Variants in FMN1 observed in about 807,000 individuals in gnomAD.
The protein encoded by FMN1 is formin 1.
In FMN1, 110 loss-of-function variants were observed where a neutral mutation model predicts 132.4. The observed-to-expected ratio is 0.83, with a 90% CI of 0.71 to 0.97. The LOEUF is 0.97. Among genes scored for constraint, FMN1 ranks in the 50% least tolerant of loss-of-function variants. FMN1 has a pLI of 0.00. For missense variants in FMN1, 1,792 were observed against 1,705.3 expected (o/e 1.05, Z -0.90); for synonymous variants, 722 against 651.7 (o/e 1.11, Z -1.64).
In FMN1 at chr15:33,089,030, T is replaced by C. The variant is rs541950320; in HGVS notation, c.1868-56A>G. 2.1e-6 allele frequency: 3 copies of C among 1,419,656 alleles called. No homozygotes were observed. The African/African-American group carries it at 4.3e-5, about 20-fold the overall frequency. 87.9% of individuals were successfully genotyped at this position (1,419,656 alleles called of 1,614,324 possible). On this transcript the variant is annotated intron_variant, in intron 4 of 20. Transcript: ENST00000616417. Reference sequence around the variant, plus strand: ...CATGGCAGCCAAATAAATAAATAAATAAAGCCATATTTGGGGAACTCCTAC... The same window carrying C: ...CATGGCAGCCAAATAAATAAATAAACAAAGCCATATTTGGGGAACTCCTAC...
chr15:33,062,277 C>T (rs1236297643), intron 6 of FMN1, among the ~76,000 whole-genome samples: 2 of 152,140 alleles, frequency 1.3e-5, no homozygotes, highest in Non-Finnish European at 2.9e-5. Flanking sequence ...ATTTATAATA[C>T]ATCATGTATA....
At chr15:32,779,860 T>C (rs188043811) in intron 19 of FMN1, among the ~76,000 whole-genome samples, 1 of 152,238 alleles carries the variant, frequency 6.6e-6, no homozygotes, top group East Asian at 1.9e-4. Context: ...GAATAGGGTA[T>C]AACAGTGAGA....
At chr15:32,809,304 A>G (rs1162006098) in intron 17 of FMN1, among the ~76,000 whole-genome samples, 1 of 152,128 alleles carries the variant, frequency 6.6e-6, no homozygotes, top group Non-Finnish European at 1.5e-5. Flanking sequence ...CTATATGGTG[A>G]CCTGTAACAG....
intron 6 of FMN1, among the ~76,000 whole-genome samples, chr15:33,024,901 T>C (rs73374857): frequency 1.4e-3 from 215 of 152,278 alleles, no homozygotes; most frequent in African/African-American, 4.5e-3. Context: ...ATGAATGAAA[T>C]AGAGCTATAC....
At chr15:32,935,650 C>T (rs554855415) in intron 9 of FMN1, among the ~76,000 whole-genome samples, 61 of 149,952 alleles carry the variant, frequency 4.1e-4, no homozygotes, top group Non-Finnish European at 7.3e-4. Flanking sequence ...TTTTTTGAGA[C>T]GGAGTCTTGC....
intron 5 of FMN1, among the ~76,000 whole-genome samples, chr15:33,074,603 G>A (rs2038126816): frequency 6.6e-6 from 1 of 152,156 alleles, no homozygotes; most frequent in African/African-American, 2.4e-5. Context: ...TAACAAACTA[G>A]AAGAATCTAA....
chr15:33,076,205 A>AT (rs1643084069), intron 5 of FMN1, among the ~76,000 whole-genome samples: 1 of 152,228 alleles, frequency 6.6e-6, no homozygotes, highest in African/African-American at 2.4e-5. Context: ...AAGTGAAGGC[A>AT]TAATATTGCT....
chr15:33,126,620 G>T (rs932034207), intron 4 of FMN1, among the ~76,000 whole-genome samples: 1 of 152,228 alleles, frequency 6.6e-6, no homozygotes, highest in Non-Finnish European at 1.5e-5. Context: ...GGAAGCAGCA[G>T]GAAATGGGCG....
At chr15:32,988,866 T>C (rs1240984034) in intron 7 of FMN1, among the ~76,000 whole-genome samples, 1 of 152,198 alleles carries the variant, frequency 6.6e-6, no homozygotes, top group Non-Finnish European at 1.5e-5. Context: ...GTTTCCAAAA[T>C]ATCACAAATT....
intron 3 of FMN1, among the ~76,000 whole-genome samples, chr15:33,170,142 G>A (rs1965262787): frequency 6.6e-6 from 1 of 151,970 alleles, no homozygotes; most frequent in Admixed American, 6.6e-5. Flanking sequence ...TTTTTGACAA[G>A]GGCACCAAGA....
At chr15:32,907,445 G>A (rs529424985) in intron 12 of FMN1, among the ~76,000 whole-genome samples, 85 of 152,174 alleles carry the variant, frequency 5.6e-4, no homozygotes, top group African/African-American at 1.9e-3. Flanking sequence ...GACAGGAGGC[G>A]GAGCTCAGGT....
At chr15:32,832,907 T>C (rs2058536556) in intron 17 of FMN1, among the ~76,000 whole-genome samples, 1 of 152,128 alleles carries the variant, frequency 6.6e-6, no homozygotes, top group African/African-American at 2.4e-5. Flanking sequence ...TCTAATGTTG[T>C]TTTGTGAGAG....
intron 7 of FMN1, among the ~76,000 whole-genome samples, chr15:32,978,477 C>A (rs1002984911): frequency 1.3e-5 from 2 of 152,158 alleles, no homozygotes; most frequent in African/African-American, 4.8e-5. Flanking sequence ...AAAAGTAGTT[C>A]TAAACCCAAT....
chr15:33,085,539 C>T (rs2038655154), intron 5 of FMN1, among the ~76,000 whole-genome samples: 1 of 149,240 alleles, frequency 6.7e-6, no homozygotes, highest in South Asian at 2.1e-4. Flanking sequence ...TGTATTTATA[C>T]ATATATTAAA....
intron 2 of FMN1, among the ~76,000 whole-genome samples, chr15:33,193,594 A>T (rs1966156402): frequency 6.6e-6 from 1 of 152,128 alleles, no homozygotes; most frequent in South Asian, 2.1e-4. Context: ...GGGTCTGGAC[A>T]TTCACCTCTC....
chr15:33,002,628 T>C (rs1186005960), intron 7 of FMN1, among the ~76,000 whole-genome samples: 1 of 152,168 alleles, frequency 6.6e-6, no homozygotes, highest in African/African-American at 2.4e-5. Flanking sequence ...CTGGTGGAAG[T>C]GAATGCCTGC....
intron 17 of FMN1, among the ~76,000 whole-genome samples, chr15:32,835,063 G>T (rs1402559348): frequency 6.6e-6 from 1 of 152,180 alleles, no homozygotes; most frequent in Non-Finnish European, 1.5e-5. Context: ...GGTTTGTTTG[G>T]AAGCAGAGCA....
chr15:33,111,116 G>A lies in FMN1; in HGVS notation c.1868-22142C>T, dbSNP rs2039685070. Among the ~76,000 whole-genome samples the A allele has an allele frequency of 4.6e-5, 7 of 151,056 alleles. No homozygotes were observed. In the South Asian group the frequency reaches 1.5e-3, roughly 32 times the overall value. On this transcript the variant is annotated intron_variant, in intron 4 of 20. Coordinates refer to ENST00000616417, the MANE Select transcript of FMN1 (RefSeq NM_001277313.2). ...TTTCCATTTCCCTCACAATCTATGA[G>A]ATGATTCATTTGTGTGTTTTCCATG...
chr15:32,968,270 T>A (rs533796179), intron 8 of FMN1, among the ~76,000 whole-genome samples: 1 of 152,226 alleles, frequency 6.6e-6, no homozygotes, highest in Non-Finnish European at 1.5e-5. Flanking sequence ...AGAACACCCA[T>A]TTCTGTTAAA....
Sources: gnomAD v4.1 joint callset for allele counts (sites outside exome capture counted in the v4.1 genomes callset) on GRCh38, gnomAD v4.1.1 for gene constraint, MANE v1.5 for transcripts, NCBI Gene and HGNC (gene_info 2026-07-23, HGNC 2026-07-21) for gene names.